GALNT17: variants seen among roughly 807,000 people sequenced by gnomAD.
The protein encoded by GALNT17 is polypeptide N-acetylgalactosaminyltransferase 17.
A neutral mutation model predicts 63.7 loss-of-function variants in GALNT17; 29 were observed. That is an observed-to-expected ratio of 0.46 (90% confidence interval 0.34 to 0.62). The LOEUF is 0.62. GALNT17 is among the 20% of genes least tolerant of loss of function. GALNT17 has a pLI of 0.01. For missense variants in GALNT17, 603 were observed against 799.6 expected (o/e 0.75, Z 2.97); for synonymous variants, 305 against 318.3 (o/e 0.96, Z 0.45).
intron 9 of GALNT17, among the ~76,000 whole-genome samples, chr7:71,689,736 C>T (rs529298287): frequency 1.6e-3 from 244 of 152,314 alleles, no homozygotes; most frequent in African/African-American, 5.5e-3. Flanking sequence ...AGATTTTCAA[C>T]GTAGACAGAA....
At chr7:71,385,171 C>T (rs1170259301) in intron 2 of GALNT17, among the ~76,000 whole-genome samples, 1 of 152,078 alleles carries the variant, frequency 6.6e-6, no homozygotes, top group Admixed American at 6.5e-5. Context: ...ATCAGCCACA[C>T]AGTTTCGCCC....
At chr7:71,352,530 G>C (rs1169406015) in intron 2 of GALNT17, among the ~76,000 whole-genome samples, 9 of 152,080 alleles carry the variant, frequency 5.9e-5, no homozygotes, top group Admixed American at 6.6e-5. Flanking sequence ...ATTCTACTTG[G>C]GATTTGTTAA....
At chr7:71,366,980 G>A (rs958629980) in intron 2 of GALNT17, among the ~76,000 whole-genome samples, 13 of 152,074 alleles carry the variant, frequency 8.5e-5, no homozygotes, top group African/African-American at 2.9e-4. Context: ...AGAGACATTT[G>A]TTCATATCAC....
At chr7:71,312,615 G>A (rs1429333756) in intron 1 of GALNT17, among the ~76,000 whole-genome samples, 2 of 152,136 alleles carry the variant, frequency 1.3e-5, no homozygotes, top group Non-Finnish European at 2.9e-5. Flanking sequence ...GGGTTTGCAG[G>A]TAGTGACCTT....
chr7:71,420,059 A>C (rs1215325366), intron 4 of GALNT17, among the ~76,000 whole-genome samples: 1 of 152,126 alleles, frequency 6.6e-6, no homozygotes, highest in African/African-American at 2.4e-5. Flanking sequence ...TTCTGTTATA[A>C]GCTGGGAGAT....
At chr7:71,147,007 G>A (rs941120873) in intron 1 of GALNT17, among the ~76,000 whole-genome samples, 1 of 152,166 alleles carries the variant, frequency 6.6e-6, no homozygotes, top group Admixed American at 6.5e-5. Context: ...AGCTTGTTAG[G>A]TGCTGTACTT....
At chr7:71,248,304 C>T (rs1309351780) in intron 1 of GALNT17, among the ~76,000 whole-genome samples, 1 of 152,116 alleles carries the variant, frequency 6.6e-6, no homozygotes, top group Non-Finnish European at 1.5e-5. Context: ...CCACTAGGTC[C>T]CCCCCTCAAC....
chr7:71,411,833 T>C (rs1793435262), intron 3 of GALNT17, among the ~76,000 whole-genome samples: 3 of 152,238 alleles, frequency 2.0e-5, no homozygotes. Flanking sequence ...CCCTGGAGGT[T>C]GAGCAGCTTT....
At chr7:71,222,935 C>T (rs1311304115) in intron 1 of GALNT17, among the ~76,000 whole-genome samples, 1 of 152,060 alleles carries the variant, frequency 6.6e-6, no homozygotes, top group Non-Finnish European at 1.5e-5. Flanking sequence ...TAGCTGGTCA[C>T]CGTGGTATTC....
rs528842674 is a variant in GALNT17 at position 71,530,031 on chromosome 7, A to G, written c.963-41254A>G. 2.6e-5 allele frequency among the ~76,000 whole-genome samples: 4 copies of G among 152,348 alleles called. No homozygotes were observed. The South Asian group carries it at 8.3e-4, about 32-fold the overall frequency. Reference sequence around the variant, plus strand: ...TAATGAAACAATGGGCTTTATGATTAGAAAGGTAAACAAGAACACATAATT... The same window carrying G: ...TAATGAAACAATGGGCTTTATGATTGGAAAGGTAAACAAGAACACATAATT... On this transcript the variant is annotated intron_variant, in intron 5 of 10. Coordinates refer to ENST00000333538, the MANE Select transcript of GALNT17 (RefSeq NM_022479.3).
At chr7:71,600,743 T>A (rs1443764363) in intron 6 of GALNT17, among the ~76,000 whole-genome samples, 1 of 126,770 alleles carries the variant, frequency 7.9e-6, no homozygotes, top group African/African-American at 3.1e-5. Context: ...GTTTTTTGTT[T>A]GTTTGTTTGT....
intron 1 of GALNT17, among the ~76,000 whole-genome samples, chr7:71,319,084 CT>C (rs1025514901): frequency 2.3e-5 from 1 of 43,360 alleles, no homozygotes; most frequent in African/African-American, 9.7e-5. Context: ...GCTTGCTGAG[CT>C]ATTTTTGTTT....
intron 6 of GALNT17, among the ~76,000 whole-genome samples, chr7:71,644,897 T>A (rs1325184006): frequency 6.6e-6 from 1 of 152,156 alleles, no homozygotes; most frequent in Non-Finnish European, 1.5e-5. Context: ...AAAAATATGT[T>A]CCATGGTTGG....
At chr7:71,382,263 C>G (rs1391202721) in intron 2 of GALNT17, among the ~76,000 whole-genome samples, 1 of 151,932 alleles carries the variant, frequency 6.6e-6, no homozygotes, top group African/African-American at 2.4e-5. Flanking sequence ...GTCTGTAATC[C>G]CAGCTACTTG....
intron 5 of GALNT17, among the ~76,000 whole-genome samples, chr7:71,485,714 C>T (rs1043452019): frequency 6.6e-6 from 1 of 152,194 alleles, no homozygotes; most frequent in African/African-American, 2.4e-5. Context: ...GGTTTATGGC[C>T]TTGTCATTCG....
chr7:71,186,940 A>G (rs989719459), intron 1 of GALNT17, among the ~76,000 whole-genome samples: 1 of 152,128 alleles, frequency 6.6e-6, no homozygotes, highest in African/African-American at 2.4e-5. Flanking sequence ...CCCAAGGTAA[A>G]CATTCAAGTA....
At chr7:71,378,381 C>G (rs1050964364) in intron 2 of GALNT17, among the ~76,000 whole-genome samples, 2 of 152,066 alleles carry the variant, frequency 1.3e-5, no homozygotes, top group African/African-American at 2.4e-5. Flanking sequence ...CACTCTTTCC[C>G]GAGATTATAG....
chr7:71,649,597 T>A (rs1790727051), intron 6 of GALNT17, among the ~76,000 whole-genome samples: 1 of 149,210 alleles, frequency 6.7e-6, no homozygotes, highest in Non-Finnish European at 1.5e-5. Context: ...GCCATTCTGC[T>A]GGAATTCAGG....
rs1419449706 is a variant in GALNT17 at position 71,156,616 on chromosome 7, T to TCCTTCCTTCCTC, written c.238+23579_238+23580insTCCTTCCTCCCT. Among the ~76,000 whole-genome samples, 421 of 143,758 alleles carry TCCTTCCTTCCTC rather than the reference T, an allele frequency of 2.9e-3. 19 individuals are homozygous for TCCTTCCTTCCTC. The highest frequency in any genetic ancestry group is 0.01 in the African/African-American group (396 of 38,766). The allele number at this position is 143,758 out of a possible 152,430, so 94.3% of individuals were successfully genotyped here. ...TTCCTTCCTTCCTTCCTTCCTTCCT[T>TCCTTCCTTCCTC]CCTCCATTCTTTGCCTTCCTTCCCT... On this transcript the variant is annotated intron_variant, in intron 1 of 10. Transcript: ENST00000333538.
Sources: gnomAD v4.1 joint callset for allele counts (sites outside exome capture counted in the v4.1 genomes callset) on GRCh38, gnomAD v4.1.1 for gene constraint, MANE v1.5 for transcripts, NCBI Gene and HGNC (gene_info 2026-07-23, HGNC 2026-07-21) for gene names.